ARB2A: variants seen among roughly 807,000 people sequenced by gnomAD.
The protein encoded by ARB2A is cotranscriptional regulator ARB2A.
chr5:93,990,230 G>A, the ARB2A span, among the ~76,000 whole-genome samples: 1 of 152,106 alleles, frequency 6.6e-6, no homozygotes, highest in South Asian at 2.1e-4. Context: ...ATGTCTCAGA[G>A]TAGCCTTTGC....
the ARB2A span, among the ~76,000 whole-genome samples, chr5:93,669,537 T>C: frequency 1.3e-5 from 2 of 152,184 alleles, no homozygotes; most frequent in Admixed American, 6.5e-5. Flanking sequence ...ATCATTAACA[T>C]TATGGATTCT....
chr5:93,860,122 G>A, the ARB2A span, among the ~76,000 whole-genome samples: 10 of 151,890 alleles, frequency 6.6e-5, no homozygotes, highest in African/African-American at 1.5e-4. Flanking sequence ...GTGAAACCCC[G>A]TCTCTACTAA....
the ARB2A span, among the ~76,000 whole-genome samples, chr5:94,098,856 G>A: frequency 3.3e-5 from 5 of 152,122 alleles, no homozygotes; most frequent in Non-Finnish European, 7.3e-5. Context: ...ACACCTCTAC[G>A]CAAACAAACT....
At chr5:93,773,197 G>T in the ARB2A span, among the ~76,000 whole-genome samples, 4 of 152,182 alleles carry the variant, frequency 2.6e-5, no homozygotes, top group Non-Finnish European at 4.4e-5. Context: ...CCAAAAAGGA[G>T]ATATGTTTCC....
chr5:94,041,957 AAG>A, the ARB2A span, among the ~76,000 whole-genome samples: 3 of 152,202 alleles, frequency 2.0e-5, no homozygotes, highest in Non-Finnish European at 4.4e-5. Context: ...GAAAATTACT[AAG>A]AGTTAACAGT....
the ARB2A span, among the ~76,000 whole-genome samples, chr5:93,999,696 G>C: frequency 8.2e-4 from 125 of 151,960 alleles, no homozygotes; most frequent in Middle Eastern, 6.8e-3. Context: ...AAAGCCCATA[G>C]TTACCTTAGG....
chr5:93,790,710 T>C, the ARB2A span, among the ~76,000 whole-genome samples: 204 of 151,924 alleles, frequency 1.3e-3, 4 homozygotes, highest in East Asian at 0.029. Flanking sequence ...GGGGAAAGAG[T>C]CCCTTTACCA....
chr5:94,039,322 C>A, the ARB2A span, among the ~76,000 whole-genome samples: 1 of 152,078 alleles, frequency 6.6e-6, no homozygotes, highest in Non-Finnish European at 1.5e-5. Context: ...GAGGTTAGCA[C>A]AAGATGCAGG....
the ARB2A span, among the ~76,000 whole-genome samples, chr5:93,690,027 T>C: frequency 6.6e-6 from 1 of 152,102 alleles, no homozygotes; most frequent in Non-Finnish European, 1.5e-5. Context: ...CCGGCCCAGA[T>C]ACTACACTTT....
At chr5:94,085,431 G>A in the ARB2A span, among the ~76,000 whole-genome samples, 1 of 152,184 alleles carries the variant, frequency 6.6e-6, no homozygotes. Context: ...GGGGACAGAG[G>A]ATTCACTTCC....
the ARB2A span, chr5:93,865,724 C>T: frequency 2.0e-6 from 2 of 985,350 alleles, no homozygotes; most frequent in Non-Finnish European, 2.4e-6. Context: ...AGAATTCAAA[C>T]CTGTTCTCAG....
At chr5:93,623,445 A>G in the ARB2A span, among the ~76,000 whole-genome samples, 2 of 152,142 alleles carry the variant, frequency 1.3e-5, no homozygotes, top group Non-Finnish European at 2.9e-5. Flanking sequence ...AATTCAATCT[A>G]TGAATCTAGA....
the ARB2A span, among the ~76,000 whole-genome samples, chr5:94,065,014 G>C: frequency 6.6e-6 from 1 of 151,972 alleles, no homozygotes; most frequent in African/African-American, 2.4e-5. Context: ...AAAAAACAAA[G>C]GATATTAATG....
chr5:94,087,858 G>A, the ARB2A span, among the ~76,000 whole-genome samples: 21 of 152,186 alleles, frequency 1.4e-4, no homozygotes, highest in African/African-American at 4.8e-4. Context: ...GAGCCTTGGA[G>A]CAATATATAC....
chr5:93,820,675 G>A, the ARB2A span, among the ~76,000 whole-genome samples: 1 of 152,014 alleles, frequency 6.6e-6, no homozygotes, highest in African/African-American at 2.4e-5. Flanking sequence ...TTTACATATT[G>A]GCATTATTTT....
At chr5:93,639,766 G>T in the ARB2A span, among the ~76,000 whole-genome samples, 1 of 152,116 alleles carries the variant, frequency 6.6e-6, no homozygotes, top group Non-Finnish European at 1.5e-5. Flanking sequence ...TGATTTATGG[G>T]CTGGGTGTGG....
the ARB2A span, among the ~76,000 whole-genome samples, chr5:94,023,914 G>T: frequency 6.6e-6 from 1 of 152,150 alleles, no homozygotes; most frequent in East Asian, 1.9e-4. Flanking sequence ...TATCAACCTT[G>T]TTTGTGGGTA....
chr5:94,026,993 C>A, the ARB2A span, among the ~76,000 whole-genome samples: 1 of 152,216 alleles, frequency 6.6e-6, no homozygotes, highest in Non-Finnish European at 1.5e-5. Context: ...ACTCTACTTA[C>A]AAGCTAATCA....
At chr5:93,958,734 A>G in the ARB2A span, 6 of 1,344,400 alleles carry the variant, frequency 4.5e-6, no homozygotes, top group Admixed American at 1.1e-4. Flanking sequence ...ATAAAACAGT[A>G]CTATAAAATG....
Sources: allele counts gnomAD v4.1 joint callset (sites outside exome capture counted in the v4.1 genomes callset), GRCh38; gene constraint gnomAD v4.1.1; transcripts MANE v1.5; gene names NCBI Gene and HGNC (gene_info 2026-07-23, HGNC 2026-07-21).